The following DENND1B variants were observed in gnomAD, a reference collection of about 807,000 sequenced individuals.
DENND1B encodes the protein DENN domain-containing protein 1B.
In DENND1B, 59 loss-of-function variants were observed where a neutral mutation model predicts 90.1. The observed-to-expected ratio is 0.65, with a 90% CI of 0.53 to 0.81. The LOEUF (loss-of-function observed/expected upper bound fraction) is 0.81, where lower values mean the gene tolerates loss of function less well. Among genes scored for constraint, DENND1B ranks in the 40% least tolerant of loss-of-function variants. The probability of loss-of-function intolerance (pLI) is 0.00; values close to 1 mark genes in which losing one functional copy is unlikely to be tolerated. For synonymous variants in DENND1B, 337 were observed against 324.6 expected, an observed-to-expected ratio of 1.04 and a Z score of -0.41; for missense variants, 862 against 912.6, an observed-to-expected ratio of 0.94 and a Z score of 0.71.
At chr1:197,713,760 AATT>A (rs1558432432) in intron 3 of DENND1B, among the ~76,000 whole-genome samples, 1 of 67,742 alleles carries the variant, frequency 1.5e-5, no homozygotes, top group Non-Finnish European at 2.7e-5. Context: ...AAAAAAAAAT[AATT>A]ATATTATATT....
chr1:197,535,057 T>G (rs1186443580), intron 20 of DENND1B, among the ~76,000 whole-genome samples: 1 of 152,244 alleles, frequency 6.6e-6, no homozygotes, highest in African/African-American at 2.4e-5. Context: ...GGCAGCAGAC[T>G]ATGGCTGATG....
chr1:197,546,603 A>T, intron 17 of DENND1B, 130 bp downstream of exon 17: 1 of 824,796 alleles, frequency 1.2e-6, no homozygotes, highest in Non-Finnish European at 1.8e-6. Context: ...AGAATATTTA[A>T]AATGTGACAA....
At position 197,510,350 on chromosome 1, in the gene DENND1B, T is replaced by C; in HGVS notation, c.*110A>G. On this transcript the variant is annotated 3_prime_UTR_variant, in exon 23 of 23. Coordinates refer to ENST00000620048, the MANE Select transcript of DENND1B (RefSeq NM_001195215.2). Reference sequence around the variant, plus strand: ...GAACAAGTGAGAAAAATGTTGCAAATGCAAAAAAAAATTTAAATAGTATGA... The same window carrying C: ...GAACAAGTGAGAAAAATGTTGCAAACGCAAAAAAAAATTTAAATAGTATGA... The C allele has an allele frequency of 2.3e-6, 3 of 1,290,616 alleles. No individual in the cohort carries two copies. In the African/African-American group the frequency reaches 4.6e-5, roughly 20 times the overall value. The allele number at this position is 1,290,616 out of a possible 1,614,324, so 79.9% of individuals were successfully genotyped here.
chr1:197,681,952 G>A (rs1486704511), intron 3 of DENND1B, among the ~76,000 whole-genome samples: 1 of 151,938 alleles, frequency 6.6e-6, no homozygotes, highest in African/African-American at 2.4e-5. Context: ...AATTAACCTT[G>A]GTTTTTTTGT....
At position 197,687,285 on chromosome 1, in the gene DENND1B, A is replaced by T. The variant is rs578099591; in HGVS notation, c.127-13116T>A. ...ACTTTGTGGTGTTACAGTGATAATT[A>T]GATGAATTTACAAGAGTAAAGTGCT... On this transcript the variant is annotated intron_variant, in intron 3 of 22. Coordinates refer to ENST00000620048, the MANE Select transcript of DENND1B (RefSeq NM_001195215.2). 4.7e-4 allele frequency among the ~76,000 whole-genome samples: 71 copies of T among 152,314 alleles called. 1 individual carries two copies. The highest frequency in any genetic ancestry group is 1.3e-3 in the Admixed American group (20 of 15,288).
At chr1:197,630,814 T>C (rs569033184) in intron 10 of DENND1B, among the ~76,000 whole-genome samples, 1 of 152,120 alleles carries the variant, frequency 6.6e-6, no homozygotes, top group South Asian at 2.1e-4. Context: ...ACCAAACCTG[T>C]GCCAGACATT....
rs573867563 is a variant in DENND1B at position 197,510,196 on chromosome 1, C to T, written c.*264G>A. 19 of 421,910 alleles carry T rather than the reference C, an allele frequency of 4.5e-5. No individual in the cohort carries two copies. The highest frequency in any genetic ancestry group is 2.9e-4 in the Admixed American group (7 of 24,078). The allele number at this position is 421,910 out of a possible 1,614,324, so 26.1% of individuals were successfully genotyped here. A position where few individuals can be genotyped will look rare whatever the true frequency, so the allele number is the denominator to read the frequency against. ...CTTAAATAAAATAAACGGCATTAAGCACCAAACACTGGGAAATCTCATGGT... is the reference window on the plus strand; with the variant it reads ...CTTAAATAAAATAAACGGCATTAAGTACCAAACACTGGGAAATCTCATGGT... On this transcript the variant is annotated 3_prime_UTR_variant, in exon 23 of 23. Coordinates refer to ENST00000620048, the MANE Select transcript of DENND1B (RefSeq NM_001195215.2).
chr1:197,624,250 C>G (rs1678444001), intron 10 of DENND1B, among the ~76,000 whole-genome samples: 1 of 151,478 alleles, frequency 6.6e-6, no homozygotes, highest in Non-Finnish European at 1.5e-5. Context: ...GAATAGAGAG[C>G]CCACAAATAG....
chr1:197,629,843 T>C (rs1053981414), intron 10 of DENND1B, among the ~76,000 whole-genome samples: 1 of 152,034 alleles, frequency 6.6e-6, no homozygotes, highest in Admixed American at 6.6e-5. Flanking sequence ...ACTCTTAAAA[T>C]TCTATAATAA....
chr1:197,540,992 T>A lies in DENND1B; in HGVS notation c.1374A>T (p.Gly458=). ...YKFAKNHAKL[G]LKEVKSKLKH... is the part of the protein sequence containing the mutation. ...TTAGTTTACTCTTCACTTCCTTTAG[T>A]CCCAGCTTTGCATGATTTTTTGCCT... Residue 458 remains glycine (G), a synonymous_variant, in exon 19 of 23, where the codon GGA becomes GGT. Coordinates refer to ENST00000620048, the MANE Select transcript of DENND1B (RefSeq NM_001195215.2). 4 of 1,612,862 alleles carry A rather than the reference T, an allele frequency of 2.5e-6. No homozygotes were observed. The highest frequency in any genetic ancestry group is 3.4e-6 in the Non-Finnish European group (4 of 1,179,322).
chr1:197,771,176 T>A (rs1571698961), intron 2 of DENND1B, among the ~76,000 whole-genome samples: 4 of 152,206 alleles, frequency 2.6e-5, no homozygotes, highest in Admixed American at 2.6e-4. Context: ...CCTCCAAAAG[T>A]GCTGGGATTA....
intron 13 of DENND1B, among the ~76,000 whole-genome samples, chr1:197,595,847 A>G (rs904738368): frequency 2.0e-5 from 3 of 152,106 alleles, no homozygotes; most frequent in African/African-American, 7.2e-5. Flanking sequence ...GAGAAGAGAT[A>G]AAGTTATTGA....
At chr1:197,545,061 A>AAGG (rs1558222987) in intron 18 of DENND1B, among the ~76,000 whole-genome samples, 1 of 29,162 alleles carries the variant, frequency 3.4e-5, no homozygotes, top group Non-Finnish European at 7.9e-5. Context: ...GAAGAAGAAG[A>AAGG]AGAAGAAGAA....
At position 197,514,404 on chromosome 1, in the gene DENND1B, C is replaced by T. The variant is rs780536389; in HGVS notation, c.1516-1451G>A. ...TTTAAATTCCCATTATTAGTAGATACTTGATGTTGTTCAACCCACCACAAT... is the reference window on the plus strand; with the variant it reads ...TTTAAATTCCCATTATTAGTAGATATTTGATGTTGTTCAACCCACCACAAT... On this transcript the variant is annotated intron_variant, in intron 20 of 22. Coordinates refer to ENST00000620048, the MANE Select transcript of DENND1B (RefSeq NM_001195215.2). 5.3e-5 allele frequency among the ~76,000 whole-genome samples: 8 copies of T among 151,686 alleles called. No individual in the cohort carries two copies. In the East Asian group the frequency reaches 1.4e-3, roughly 26 times the overall value.
intron 5 of DENND1B, among the ~76,000 whole-genome samples, chr1:197,660,600 C>A (rs1390705570): frequency 6.6e-6 from 1 of 151,962 alleles, no homozygotes; most frequent in Non-Finnish European, 1.5e-5. Flanking sequence ...AATTCCAAAA[C>A]AAGGGATAGA....
chr1:197,663,722 C>T (rs1278562148), intron 5 of DENND1B, among the ~76,000 whole-genome samples: 1 of 151,984 alleles, frequency 6.6e-6, no homozygotes, highest in Non-Finnish European at 1.5e-5. Flanking sequence ...CTATTCAGAT[C>T]ACCGTACTTA....
Position 197,647,947 on chromosome 1 carries a change from C to CAA in DENND1B, c.448-835_448-834dup, listed in dbSNP as rs5779884. Among the ~76,000 whole-genome samples the CAA allele has an allele frequency of 2.7e-4, 21 of 78,632 alleles. No individual in the cohort carries two copies. The East Asian group carries it at 3.3e-3, about 13-fold the overall frequency. The allele number at this position is 78,632 out of a possible 152,430, so 51.6% of individuals were successfully genotyped here. A position where few individuals can be genotyped will look rare whatever the true frequency, so the allele number is the denominator to read the frequency against. ...GGGCAACAAGAGCGAAACTCCACTT[C>CAA]AAAAAAAAAAAAAAAAAGATATTAT... On this transcript the variant is annotated intron_variant, in intron 7 of 22. Transcript: ENST00000620048.
intron 15 of DENND1B, among the ~76,000 whole-genome samples, chr1:197,574,573 C>A (rs1362124147): frequency 6.6e-6 from 1 of 152,110 alleles, no homozygotes; most frequent in African/African-American, 2.4e-5. Flanking sequence ...ACTTTCTTCA[C>A]AGAATTGGAA....
At chr1:197,770,799 AAT>A (rs372269365) in intron 2 of DENND1B, among the ~76,000 whole-genome samples, 161 of 137,310 alleles carry the variant, frequency 1.2e-3, no homozygotes, top group African/African-American at 3.1e-3. Flanking sequence ...TATATCTATA[AAT>A]ATATATATAA....
Sources: allele counts gnomAD v4.1 joint callset (sites outside exome capture counted in the v4.1 genomes callset), GRCh38; gene constraint gnomAD v4.1.1; transcripts MANE v1.5; gene names NCBI Gene and HGNC (gene_info 2026-07-23, HGNC 2026-07-21).